The following DGKI variants were observed in gnomAD, a reference collection of about 807,000 sequenced individuals.
The protein encoded by DGKI is diacylglycerol kinase iota, also known as DAG kinase iota.
In DGKI, 55 loss-of-function variants were observed where a neutral mutation model predicts 147.5. The ratio of observed to expected loss-of-function variants is 0.37; its 90% CI spans 0.30 to 0.47. The LOEUF is 0.47. Ranked by LOEUF, DGKI falls within the 20% of genes least tolerant of loss-of-function variation. The pLI is 1.00. For missense variants in DGKI, 1,007 were observed against 1,323.8 expected, an observed-to-expected ratio of 0.76 and a Z score of 3.71; for synonymous variants, 469 against 477.1, an observed-to-expected ratio of 0.98 and a Z score of 0.22.
At chr7:137,649,887 A>G (rs1821964813) in intron 5 of DGKI, among the ~76,000 whole-genome samples, 1 of 151,612 alleles carries the variant, frequency 6.6e-6, no homozygotes. Flanking sequence ...AACTTAGATG[A>G]CTCCAACAAA....
At chr7:137,403,319 C>T (rs115598805) in intron 30 of DGKI, among the ~76,000 whole-genome samples, 1,803 of 152,226 alleles carry the variant, frequency 0.012, 29 homozygotes, top group African/African-American at 0.041. Context: ...AGATGCAAGC[C>T]GAAAAAAATT....
Position 137,386,325 on chromosome 7 carries a change from A to G in DGKI, c.*4895T>C, listed in dbSNP as rs1477715718. On this transcript the variant is annotated 3_prime_UTR_variant, in exon 33 of 33. Transcript: ENST00000614521. ...GGCCCTCAGCAGTGTAAAATCTATA[A>G]CCTAGTCCTCCAGGTGCCGTCAAAG... The G allele has an allele frequency of 6.6e-6, 1 of 152,038 alleles. No individual in the cohort carries two copies. Among genetic ancestry groups the G allele is most frequent in the African/African-American group, 2.4e-5 (1 of 41,398 alleles). The allele number at this position is 152,038 out of a possible 1,614,324, so 9.4% of individuals were successfully genotyped here.
At chr7:137,715,140 C>CTA in intron 1 of DGKI, among the ~76,000 whole-genome samples, 1 of 152,310 alleles carries the variant, frequency 6.6e-6, no homozygotes, top group South Asian at 2.1e-4. Context: ...AGAGAGAAGC[C>CTA]TAAGACCAGT....
intron 3 of DGKI, among the ~76,000 whole-genome samples, chr7:137,663,825 A>T (rs1267354087): frequency 6.6e-6 from 1 of 152,170 alleles, no homozygotes. Context: ...CAGCACTGAG[A>T]ACCAAGAACA....
intron 1 of DGKI, among the ~76,000 whole-genome samples, chr7:137,770,812 C>T (rs1796170454): frequency 4.1e-5 from 2 of 48,704 alleles, no homozygotes; most frequent in Non-Finnish European, 6.9e-5. Flanking sequence ...GGATTACAGG[C>T]GTGAGCCACC....
intron 1 of DGKI, among the ~76,000 whole-genome samples, chr7:137,804,192 T>C (rs1797296712): frequency 6.6e-6 from 1 of 152,214 alleles, no homozygotes; most frequent in South Asian, 2.1e-4. Flanking sequence ...GGCATTGACT[T>C]TGGACTTCCA....
chr7:137,439,304 T>C (rs1219377915), intron 28 of DGKI, among the ~76,000 whole-genome samples: 1 of 152,194 alleles, frequency 6.6e-6, no homozygotes, highest in African/African-American at 2.4e-5. Flanking sequence ...TAATCCATTC[T>C]CATGTTGCTA....
At chr7:137,813,251 C>T (rs1364264003) in intron 1 of DGKI, among the ~76,000 whole-genome samples, 2 of 152,176 alleles carry the variant, frequency 1.3e-5, no homozygotes, top group African/African-American at 2.4e-5. Context: ...CATCACTTCT[C>T]CTGGGTCACA....
At chr7:137,744,001 A>C (rs1223500493) in intron 1 of DGKI, among the ~76,000 whole-genome samples, 1 of 151,472 alleles carries the variant, frequency 6.6e-6, no homozygotes, top group East Asian at 1.9e-4. Context: ...AAAAAAAAAA[A>C]AACTAATCCC....
At chr7:137,493,979 A>G in intron 21 of DGKI, 1 of 550,524 alleles carries the variant, frequency 1.8e-6, no homozygotes, top group Non-Finnish European at 3.2e-6. Flanking sequence ...CATTTTAAGA[A>G]ATAACTAAAT....
rs141182278 is a variant in DGKI at position 137,468,627 on chromosome 7, C to T, written c.2443+923G>A. On this transcript the variant is annotated intron_variant, in intron 24 of 32. Transcript: ENST00000614521. ...ACTAGAAAAATATATATATGGCATT[C>T]AAAGTGTTCTGTGATCTGGCACCAA... 2.6e-5 allele frequency among the ~76,000 whole-genome samples: 4 copies of T among 152,252 alleles called. No homozygotes were observed. In the East Asian group the frequency reaches 7.7e-4, roughly 29 times the overall value.
intron 28 of DGKI, among the ~76,000 whole-genome samples, chr7:137,427,004 C>T (rs1312918177): frequency 6.7e-6 from 1 of 150,160 alleles, no homozygotes; most frequent in Non-Finnish European, 1.5e-5. Context: ...GACAGAAAGT[C>T]AACAAGGATA....
At chr7:137,700,898 TAAATAAATAAATAA>T (rs1823958208) in intron 1 of DGKI, among the ~76,000 whole-genome samples, 1 of 144,016 alleles carries the variant, frequency 6.9e-6, no homozygotes, top group Admixed American at 6.9e-5. Context: ...AATAAATAAA[TAAATAAATAAATAA>T]ATAAATAAAT....
At chr7:137,615,046 C>T (rs1445357645) in intron 8 of DGKI, among the ~76,000 whole-genome samples, 15 of 152,046 alleles carry the variant, frequency 9.9e-5, no homozygotes, top group Non-Finnish European at 2.1e-4. Flanking sequence ...GAAAATGCTC[C>T]GTACTGCTTC....
At chr7:137,715,175 T>C (rs1794338549) in intron 1 of DGKI, among the ~76,000 whole-genome samples, 1 of 152,212 alleles carries the variant, frequency 6.6e-6, no homozygotes, top group Admixed American at 6.5e-5. Flanking sequence ...GAATCTGATC[T>C]AAATGGTACG....
At chr7:137,410,257 T>C (rs888654597) in intron 29 of DGKI, among the ~76,000 whole-genome samples, 1 of 151,946 alleles carries the variant, frequency 6.6e-6, no homozygotes, top group Non-Finnish European at 1.5e-5. Context: ...TACAAAAAAT[T>C]AGCTGGGTGT....
intron 12 of DGKI, 89 bp downstream of exon 12, chr7:137,597,758 G>T: frequency 8.1e-7 from 1 of 1,236,046 alleles, no homozygotes. Context: ...GGATTAGAAA[G>T]ACTGAGCAAC....
chr7:137,723,696 T>C (rs1794632570), intron 1 of DGKI, among the ~76,000 whole-genome samples: 2 of 142,864 alleles, frequency 1.4e-5, no homozygotes, highest in Non-Finnish European at 3.0e-5. Context: ...TATCATGATA[T>C]CCCTTTTTTT....
intron 1 of DGKI, among the ~76,000 whole-genome samples, chr7:137,776,560 G>T (rs541539062): frequency 6.6e-6 from 1 of 152,198 alleles, no homozygotes; most frequent in Non-Finnish European, 1.5e-5. Flanking sequence ...CACAGAAAAT[G>T]GTTAAGTGTG....
Sources: gnomAD v4.1 joint callset for allele counts (sites outside exome capture counted in the v4.1 genomes callset) on GRCh38, gnomAD v4.1.1 for gene constraint, MANE v1.5 for transcripts, NCBI Gene and HGNC (gene_info 2026-07-23, HGNC 2026-07-21) for gene names.